The following USP24 variants were observed in gnomAD, a reference collection of about 807,000 sequenced individuals.
The protein encoded by USP24 is ubiquitin carboxyl-terminal hydrolase 24.
Under a neutral mutation model 361.6 loss-of-function variants are expected in USP24, and 97 were observed. The ratio of observed to expected loss-of-function variants is 0.27; its 90% confidence interval spans 0.23 to 0.32. The LOEUF (loss-of-function observed/expected upper bound fraction) is 0.32, where lower values mean the gene tolerates loss of function less well. Among genes scored for constraint, USP24 ranks in the 10% least tolerant of loss-of-function variants. USP24 has a pLI of 1.00. For synonymous variants in USP24, 1,098 were observed against 1,124.6 expected (o/e 0.98, Z 0.47); for missense variants, 2,353 against 3,165.6 (o/e 0.74, Z 6.16).
At position 55,171,607 on chromosome 1, in the gene USP24, C is replaced by T; in HGVS notation, c.774G>A (p.Val258=). Residue 258 remains valine (V), a synonymous_variant, in exon 5 of 68, where the codon GTG becomes GTA. Transcript: ENST00000294383. ...CAGCAAACATATTTCCCTCTCCAAA[C>T]ACTTCTGCCCAATTCCTTTGAGACA... is the stretch of plus-strand genomic sequence containing the variant. ...MKVSQRNWAE[V]FGEGNMFAVS... is the part of the protein sequence containing the mutation. 6.2e-7 allele frequency: 1 copy of T among 1,610,968 alleles called. No homozygotes were observed. The highest frequency in any genetic ancestry group is 8.5e-7 in the Non-Finnish European group (1 of 1,178,430).
At chr1:55,096,679 C>T in intron 49 of USP24, 57 bp from the exon 50 acceptor site, 1 of 1,566,646 alleles carries the variant, frequency 6.4e-7, no homozygotes, top group South Asian at 1.2e-5. Flanking sequence ...CCTCCTCATC[C>T]TTAGCATTGA....
intron 38 of USP24, among the ~76,000 whole-genome samples, chr1:55,112,572 A>G (rs1570435077): frequency 6.6e-6 from 1 of 152,252 alleles, no homozygotes; most frequent in East Asian, 1.9e-4. Context: ...GTTTCCATGT[A>G]GTTGTGCGAT....
In USP24 at chr1:55,123,531, A is replaced by C; in HGVS notation, c.4192T>G (p.Ser1398Ala). Residue 1398 changes from serine (S) to alanine (A), a missense_variant, in exon 36 of 68, where the codon TCT becomes GCT. Physicochemically the swap from Ser to Ala is moderately conservative, Grantham distance 99. Transcript: ENST00000294383. ...ATCAGCGAGTCTTTGGTGGATACAG[A>C]CTGTTGTCGAACACAGATTCCCGCA... ...LHAGICVRQQSVSTKDSLIAG... is the reference protein window; with the variant it reads ...LHAGICVRQQAVSTKDSLIAG... 6.2e-7 allele frequency: 1 copy of C among 1,603,052 alleles called. No homozygotes were observed. Among genetic ancestry groups the C allele is most frequent in the Non-Finnish European group, 8.5e-7 (1 of 1,174,770 alleles).
chr1:55,116,462 A>G (rs984792866), intron 38 of USP24, among the ~76,000 whole-genome samples: 1 of 152,118 alleles, frequency 6.6e-6, no homozygotes, highest in Non-Finnish European at 1.5e-5. Flanking sequence ...TCAAATTACT[A>G]AACTCAGAAA....
intron 60 of USP24, 108 bp from the exon 61 acceptor site, chr1:55,078,759 C>T (rs1645080097): frequency 1.3e-6 from 1 of 779,784 alleles, no homozygotes. Context: ...ATAATTAACA[C>T]TGCCTGAAAA....
intron 2 of USP24, 72 bp from the exon 3 acceptor site, chr1:55,176,515 A>G: frequency 1.5e-6 from 2 of 1,366,178 alleles, no homozygotes; most frequent in Non-Finnish European, 2.0e-6. Flanking sequence ...AATGAATGAA[A>G]TAATACACGT....
At chr1:55,113,789 C>T (rs1646024376) in intron 38 of USP24, among the ~76,000 whole-genome samples, 1 of 152,132 alleles carries the variant, frequency 6.6e-6, no homozygotes, top group Admixed American at 6.5e-5. Flanking sequence ...TTATGACAAA[C>T]CCACAGCCAA....
In USP24 at chr1:55,172,491, C is replaced by T. The variant is rs1649551578; in HGVS notation, c.588G>A (p.Trp196Ter). Reference protein sequence around the residue: ...KLLTSSAVHKWGTEIHEGIYN... With the variant: ...KLLTSSAVHK ...AAATTCCTTCATGAATTTCAGTACCCCACTTGTGAACAGCACTTGATGTCA... is the reference window on the plus strand; with the variant it reads ...AAATTCCTTCATGAATTTCAGTACCTCACTTGTGAACAGCACTTGATGTCA... The change falls in exon 4 of 68, where the codon TGG becomes TGA. Residue 196 changes from tryptophan (W) to a stop codon, truncating the protein, a stop_gained. Transcript: ENST00000294383. LOFTEE classifies it high-confidence loss of function. 6.2e-7 allele frequency: 1 copy of T among 1,612,778 alleles called. No individual in the cohort carries two copies. The highest frequency in any genetic ancestry group is 1.1e-5 in the South Asian group (1 of 90,962).
intron 58 of USP24, 39 bp from the exon 59 acceptor site, chr1:55,081,463 G>C: frequency 6.4e-7 from 1 of 1,571,634 alleles, no homozygotes; most frequent in Non-Finnish European, 8.8e-7. Flanking sequence ...TAGTGTTGTC[G>C]TCAGAAATAA....
At chr1:55,133,976 A>G (rs1646665110) in intron 30 of USP24, 94 bp downstream of exon 30, 1 of 1,099,006 alleles carries the variant, frequency 9.1e-7, no homozygotes, top group Non-Finnish European at 1.4e-6. Context: ...TATGGGAAAG[A>G]TGGTATCATA....
At chr1:55,115,533 G>A (rs900590342) in intron 38 of USP24, among the ~76,000 whole-genome samples, 2 of 139,648 alleles carry the variant, frequency 1.4e-5, no homozygotes, top group African/African-American at 5.1e-5. Flanking sequence ...AACAGATGCT[G>A]GAGAGGATAT....
At chr1:55,070,778 C>T (rs903998890) in intron 67 of USP24, among the ~76,000 whole-genome samples, 33 of 152,080 alleles carry the variant, frequency 2.2e-4, no homozygotes, top group Non-Finnish European at 5.9e-5. Context: ...AAGGGTCTGG[C>T]AGGGTGGAGC....
intron 1 of USP24, among the ~76,000 whole-genome samples, 187 bp from the exon 2 acceptor site, chr1:55,178,319 C>A (rs1261766394): frequency 1.3e-5 from 2 of 152,128 alleles, no homozygotes; most frequent in Non-Finnish European, 2.9e-5. Context: ...CAACTTTTAT[C>A]ATTTTGGCAT....
At chr1:55,171,772 C>T (rs1485563314) in intron 4 of USP24, 94 bp from the exon 5 acceptor site, 3 of 1,347,158 alleles carry the variant, frequency 2.2e-6, no homozygotes, top group Non-Finnish European at 3.0e-6. Context: ...GCCTTTGACT[C>T]CCCTCATTAA....
In USP24 at chr1:55,215,180, G is replaced by C; in HGVS notation, c.-67C>G. 2.5e-6 allele frequency: 3 copies of C among 1,181,512 alleles called. No homozygotes were observed. Among genetic ancestry groups the C allele is most frequent in the Non-Finnish European group, 3.2e-6 (3 of 950,260 alleles). The allele number at this position is 1,181,512 out of a possible 1,614,324, so 73.2% of individuals were successfully genotyped here. A position where few individuals can be genotyped will look rare whatever the true frequency, so the allele number is the denominator to read the frequency against. ...CTACGGGTCCCGGGCCTGGCGGGCC[G>C]CGCGGCGCACCCTCCGCGCCGCCTC... On this transcript the variant is annotated 5_prime_UTR_variant, in exon 1 of 68. Coordinates refer to ENST00000294383, the MANE Select transcript of USP24 (RefSeq NM_015306.3).
At chr1:55,146,364 C>T (rs1647029198) in intron 19 of USP24, among the ~76,000 whole-genome samples, 1 of 152,136 alleles carries the variant, frequency 6.6e-6, no homozygotes. Flanking sequence ...CATTTACTGC[C>T]TGCTTACAAC....
chr1:55,124,361 CAAGAG>C (rs1335781106), intron 35 of USP24, 103 bp downstream of exon 35: 2 of 1,327,002 alleles, frequency 1.5e-6, no homozygotes, highest in Non-Finnish European at 2.0e-6. Context: ...TGCTCACAAG[CAAGAG>C]AAGAGGGTCT....
At chr1:55,141,488 A>G in intron 24 of USP24, 128 bp downstream of exon 24, 1 of 836,672 alleles carries the variant, frequency 1.2e-6, no homozygotes, top group Non-Finnish European at 1.9e-6. Context: ...TCTCAGGATT[A>G]TGACAGCTTG....
chr1:55,079,741 C>A, intron 59 of USP24, 82 bp from the exon 60 acceptor site: 1 of 1,288,892 alleles, frequency 7.8e-7, no homozygotes, highest in South Asian at 1.6e-5. Flanking sequence ...GAAAATGTGC[C>A]TCCTTCAAGA....
Sources: gnomAD v4.1 joint callset for allele counts (sites outside exome capture counted in the v4.1 genomes callset) on GRCh38, gnomAD v4.1.1 for gene constraint, MANE v1.5 for transcripts, NCBI Gene and HGNC (gene_info 2026-07-23, HGNC 2026-07-21) for gene names.